The following MOK variants were observed in gnomAD, a reference collection of about 807,000 sequenced individuals.
The protein encoded by MOK is MOK protein kinase.
MOK carries 59 observed loss-of-function variants against 54.2 expected under a neutral mutation model. The ratio of observed to expected loss-of-function variants is 1.09; its 90% CI spans 0.88 to 1.35. The LOEUF is 1.35. MOK is among the 40% of genes most tolerant of loss of function. The pLI, the probability that MOK is intolerant of heterozygous loss-of-function variation, is 0.00. For synonymous variants in MOK, 210 were observed against 202.7 expected (o/e 1.04, Z -0.31); for missense variants, 517 against 526.2 (o/e 0.98, Z 0.17).
At position 102,269,261 on chromosome 14, in the gene MOK, A is replaced by C. The variant is rs998102619; in HGVS notation, c.123-3349T>G. 4.0e-5 allele frequency among the ~76,000 whole-genome samples: 6 copies of C among 151,478 alleles called. No homozygotes were observed. The Admixed American group carries it at 4.0e-4, about 10-fold the overall frequency. On this transcript the variant is annotated intron_variant, in intron 2 of 11. Coordinates refer to ENST00000361847, the MANE Select transcript of MOK (RefSeq NM_014226.3). ...GAGTGCAGTGGCACGATCTAGGCTC[A>C]CTGCAACCTCCACCTCCCAGGTGCA...
At chr14:102,300,191 G>A (rs1427250371) in intron 1 of MOK, among the ~76,000 whole-genome samples, 1 of 152,012 alleles carries the variant, frequency 6.6e-6, no homozygotes, top group Non-Finnish European at 1.5e-5. Context: ...AGGTATGTTG[G>A]CAGGCACCTG....
At chr14:102,223,313 A>G (rs2064117145), downstream of MOK, 1 of 152,648 alleles carries the variant, frequency 6.6e-6, no homozygotes, top group Admixed American at 6.5e-5. Context: ...CCTTGAATGC[A>G]CTCATAGAGA....
In MOK at chr14:102,232,534, C is replaced by T; in HGVS notation, c.866+1G>A. ...CCCACCGAACCCACGAGAGTGCCTA[C>T]CTCTGTTCTTGGAAGTAGGGGTGCT... On this transcript the variant is annotated splice_donor_variant, in intron 9 of 11. Coordinates refer to ENST00000361847, the MANE Select transcript of MOK (RefSeq NM_014226.3). LOFTEE classifies it high-confidence loss of function. This position sits in a 1 kb window ranked among gnomAD's most constrained non-coding sequence, Gnocchi z 5.1. 2 of 1,612,568 alleles carry T rather than the reference C, an allele frequency of 1.2e-6. No individual in the cohort carries two copies. The highest frequency in any genetic ancestry group is 2.2e-5 in the South Asian group (2 of 90,950).
intron 7 of MOK, among the ~76,000 whole-genome samples, chr14:102,242,310 T>C (rs1344696069): frequency 6.6e-6 from 1 of 152,198 alleles, no homozygotes; most frequent in East Asian, 1.9e-4. Flanking sequence ...TGGTGCCAAC[T>C]TGGACAACAT....
chr14:102,279,284 C>CGTT (rs71116892), intron 2 of MOK, among the ~76,000 whole-genome samples: 30,692 of 150,824 alleles, frequency 0.2, 3,725 homozygotes, highest in African/African-American at 0.34. Context: ...GCAAGAGAAC[C>CGTT]GTTGTTGTTG....
intron 2 of MOK, chr14:102,277,241 G>A (rs2068963774): frequency 6.6e-6 from 1 of 151,832 alleles, no homozygotes; most frequent in Non-Finnish European, 1.5e-5. Flanking sequence ...CCCAAAACTG[G>A]AAACTATCAA....
chr14:102,254,587 C>A (rs940841037), intron 4 of MOK, among the ~76,000 whole-genome samples: 2 of 152,234 alleles, frequency 1.3e-5, no homozygotes, highest in Middle Eastern at 3.4e-3. Flanking sequence ...CTCAAGACCC[C>A]CTTCAACCAA....
At chr14:102,262,630 T>C (rs2067574073) in intron 4 of MOK, among the ~76,000 whole-genome samples, 1 of 152,266 alleles carries the variant, frequency 6.6e-6, no homozygotes, top group South Asian at 2.1e-4. Context: ...TCTTCATATA[T>C]ATCTTCAACA....
chr14:102,288,872 C>T (rs1211174948), intron 1 of MOK, among the ~76,000 whole-genome samples: 1 of 152,098 alleles, frequency 6.6e-6, no homozygotes, highest in African/African-American at 2.4e-5. Context: ...ACTTCACCAA[C>T]TTGTATACTT....
chr14:102,219,473 C>G, the MOK span, among the ~76,000 whole-genome samples: 1 of 152,258 alleles, frequency 6.6e-6, no homozygotes, highest in African/African-American at 2.4e-5. Context: ...CCAGCACACT[C>G]CAGGGCTTGT....
At position 102,229,631 on chromosome 14, in the gene MOK, GTCC is replaced by G; in HGVS notation, c.1005_1007del (p.Glu335del). 1 of 1,613,048 alleles carries G rather than the reference GTCC, an allele frequency of 6.2e-7. No individual in the cohort carries two copies. Among genetic ancestry groups the G allele is most frequent in the Non-Finnish European group, 8.5e-7 (1 of 1,179,220 alleles). ...AGGCCGGTCCTCGTCTCTTGGGACG[GTCC>G]TCCTCTTGCTTTAGGGACTGTTTCT... is the stretch of plus-strand genomic sequence containing the variant. On this transcript the variant is annotated inframe_deletion, in exon 11 of 12. Transcript: ENST00000361847.
At chr14:102,228,278 G>A (rs2153078399), downstream of MOK, among the ~76,000 whole-genome samples, 1 of 152,374 alleles carries the variant, frequency 6.6e-6, no homozygotes, top group Non-Finnish European at 1.5e-5. Context: ...CCTATGCTCA[G>A]AAGAGACCCT....
Position 102,229,152 on chromosome 14 carries a change from C to T in MOK, c.*137G>A, listed in dbSNP as rs2064400473. 3.2e-6 allele frequency: 3 copies of T among 923,842 alleles called. No individual in the cohort carries two copies. Among genetic ancestry groups the T allele is most frequent in the African/African-American group, 1.7e-5 (1 of 59,606 alleles). 57.2% of individuals were successfully genotyped at this position (923,842 alleles called of 1,614,324 possible). On this transcript the variant is annotated 3_prime_UTR_variant, in exon 12 of 12. Coordinates refer to ENST00000361847, the MANE Select transcript of MOK (RefSeq NM_014226.3). ...GCGGGTGCGGCAGGGCGCAGGGCAG[C>T]ACCCAGAGCCCCGGCCAGCGCGAAA...
intron 1 of MOK, among the ~76,000 whole-genome samples, chr14:102,291,328 A>G (rs1319669401): frequency 1.3e-5 from 2 of 152,210 alleles, no homozygotes; most frequent in Non-Finnish European, 2.9e-5. Flanking sequence ...AAATGGACCA[A>G]AATACAGGCC....
chr14:102,305,024 A>G lies in MOK; in HGVS notation c.-56T>C. The G allele has an allele frequency of 6.3e-7, 1 of 1,595,464 alleles. No individual in the cohort carries two copies. The highest frequency in any genetic ancestry group is 8.5e-7 in the Non-Finnish European group (1 of 1,170,294). On this transcript the variant is annotated 5_prime_UTR_variant, in exon 1 of 12. Coordinates refer to ENST00000361847, the MANE Select transcript of MOK (RefSeq NM_014226.3). ...GCCGACACTGGACGGAAAAGAAAGAAGCAGGAAGGTTGTCCCCCTGCTTTC... is the reference window on the plus strand; with the variant it reads ...GCCGACACTGGACGGAAAAGAAAGAGGCAGGAAGGTTGTCCCCCTGCTTTC...
intron 7 of MOK, among the ~76,000 whole-genome samples, chr14:102,244,190 G>C (rs951707760): frequency 6.6e-6 from 1 of 150,746 alleles, no homozygotes; most frequent in Non-Finnish European, 1.5e-5. Flanking sequence ...CCCACTGCTC[G>C]GGGCAACGCT....
intron 4 of MOK, among the ~76,000 whole-genome samples, chr14:102,253,316 T>C (rs2066680492): frequency 6.6e-6 from 1 of 152,186 alleles, no homozygotes; most frequent in Non-Finnish European, 1.5e-5. Flanking sequence ...AGAGCGCATG[T>C]GCTATGGTTT....
intron 2 of MOK, among the ~76,000 whole-genome samples, chr14:102,276,736 A>G (rs2068899049): frequency 6.6e-6 from 1 of 150,816 alleles, no homozygotes; most frequent in Non-Finnish European, 1.5e-5. Flanking sequence ...GGTTGTGGTG[A>G]GCTGAGATCA....
chr14:102,214,621 A>G, the MOK span: 4 of 985,172 alleles, frequency 4.1e-6, no homozygotes, highest in Non-Finnish European at 4.8e-6. Flanking sequence ...TGAGTTTATT[A>G]GAGATTGTTA....
Sources: gnomAD v4.1 joint callset for allele counts (sites outside exome capture counted in the v4.1 genomes callset) on GRCh38, gnomAD v4.1.1 for gene constraint, Gnocchi (gnomAD v3.1) non-coding constraint, MANE v1.5 for transcripts, NCBI Gene and HGNC (gene_info 2026-07-23, HGNC 2026-07-21) for gene names.